Variants in CSMD3 observed in about 807,000 individuals in gnomAD.
CSMD3 encodes CUB and sushi domain-containing protein 3.
A neutral mutation model predicts 435.2 loss-of-function variants in CSMD3; 177 were observed. That is an observed-to-expected ratio of 0.41 (90% CI 0.36 to 0.46). The LOEUF (loss-of-function observed/expected upper bound fraction) is 0.46, where lower values mean the gene tolerates loss of function less well. Ranked by LOEUF, CSMD3 falls within the 20% of genes least tolerant of loss-of-function variation. The probability of loss-of-function intolerance (pLI) is 0.34; values close to 1 mark genes in which losing one functional copy is unlikely to be tolerated. For missense variants in CSMD3, 4,265 were observed against 4,504.6 expected, an observed-to-expected ratio of 0.95 and a Z score of 1.52; for synonymous variants, 1,656 against 1,520.5, an observed-to-expected ratio of 1.09 and a Z score of -2.07.
At chr8:112,747,240 T>A (rs1283767631) in intron 13 of CSMD3, among the ~76,000 whole-genome samples, 1 of 142,652 alleles carries the variant, frequency 7.0e-6, no homozygotes, top group Non-Finnish European at 1.5e-5. Context: ...TCATTGTTTT[T>A]TCCTGTAAAA....
At chr8:113,073,926 A>G (rs2089236415) in intron 5 of CSMD3, among the ~76,000 whole-genome samples, 1 of 151,678 alleles carries the variant, frequency 6.6e-6, no homozygotes, top group Admixed American at 6.6e-5. Flanking sequence ...AAATCCTTGA[A>G]ACAGTCTTGT....
intron 1 of CSMD3, chr8:113,376,530 C>T (rs2094384056): frequency 1.8e-6 from 1 of 563,738 alleles, no homozygotes; most frequent in Non-Finnish European, 3.1e-6. Context: ...TGTCTTCTGT[C>T]TTTTCTGTAT....
chr8:112,619,829 G>A (rs1043329135), intron 22 of CSMD3, among the ~76,000 whole-genome samples: 2 of 151,502 alleles, frequency 1.3e-5, no homozygotes, highest in South Asian at 2.1e-4. Context: ...AATCACTTTC[G>A]ATCATGTGAT....
chr8:112,712,992 C>T (rs929689507), intron 13 of CSMD3, among the ~76,000 whole-genome samples: 1 of 151,982 alleles, frequency 6.6e-6, no homozygotes, highest in East Asian at 1.9e-4. Flanking sequence ...TTGGAGGCAC[C>T]CATCAAAAAG....
intron 10 of CSMD3, among the ~76,000 whole-genome samples, chr8:112,872,738 T>C (rs1341038692): frequency 6.6e-6 from 1 of 152,042 alleles, no homozygotes; most frequent in African/African-American, 2.4e-5. Context: ...AATTACTTAT[T>C]TATTATGCTT....
intron 46 of CSMD3, among the ~76,000 whole-genome samples, chr8:112,319,462 TTTATGATTAAA>T (rs1353492289): frequency 1.3e-5 from 2 of 152,152 alleles, no homozygotes; most frequent in Non-Finnish European, 2.9e-5. Flanking sequence ...TTAAAGCAAC[TTTATGATTAAA>T]TTGAGTAGAA....
chr8:113,232,654 C>T lies in CSMD3; in HGVS notation c.514+45938G>A, dbSNP rs147612018. On this transcript the variant is annotated intron_variant, in intron 3 of 70. Transcript: ENST00000297405. ...GTATTCATTATCAAATCAAAATCAA[C>T]TTTTATAGAAGGAGTAATGTCCAGT... is the stretch of plus-strand genomic sequence containing the variant. Among the ~76,000 whole-genome samples the T allele has an allele frequency of 2.1e-4, 32 of 151,858 alleles. No homozygotes were observed. The East Asian group carries it at 6.2e-3, about 29-fold the overall frequency.
At chr8:112,866,560 A>G (rs1339666065) in intron 10 of CSMD3, among the ~76,000 whole-genome samples, 1 of 152,166 alleles carries the variant, frequency 6.6e-6, no homozygotes, top group East Asian at 1.9e-4. Flanking sequence ...TTTGATTCAA[A>G]TGTATTTGCG....
At chr8:112,371,721 C>G (rs1828413242) in intron 38 of CSMD3, among the ~76,000 whole-genome samples, 1 of 151,872 alleles carries the variant, frequency 6.6e-6, no homozygotes, top group South Asian at 2.1e-4. Flanking sequence ...AACCCTGTCT[C>G]TACTAAAAAT....
chr8:113,324,902 G>C (rs2093973461), intron 1 of CSMD3, among the ~76,000 whole-genome samples: 1 of 152,214 alleles, frequency 6.6e-6, no homozygotes, highest in South Asian at 2.1e-4. Context: ...TGACTCAGAT[G>C]GGAGACATGG....
At chr8:112,385,243 A>C (rs1283018185) in intron 36 of CSMD3, among the ~76,000 whole-genome samples, 1 of 152,226 alleles carries the variant, frequency 6.6e-6, no homozygotes, top group East Asian at 1.9e-4. Flanking sequence ...AAAGTTGTTC[A>C]TCTTTCTGTA....
At chr8:112,285,374 C>T (rs995603662) in intron 58 of CSMD3, among the ~76,000 whole-genome samples, 7 of 151,990 alleles carry the variant, frequency 4.6e-5, no homozygotes, top group Non-Finnish European at 1.0e-4. Flanking sequence ...CTATGTTTTC[C>T]AAGTCTTTTC....
intron 3 of CSMD3, among the ~76,000 whole-genome samples, chr8:113,189,532 T>G (rs1588237551): frequency 6.6e-6 from 1 of 151,848 alleles, no homozygotes; most frequent in African/African-American, 2.4e-5. Context: ...CAATTAAGTA[T>G]GAAAACACTC....
At chr8:112,373,009 T>G (rs1219402370) in intron 38 of CSMD3, among the ~76,000 whole-genome samples, 1 of 129,286 alleles carries the variant, frequency 7.7e-6, no homozygotes, top group Non-Finnish European at 1.6e-5. Flanking sequence ...TATAAAAATA[T>G]ATATATATAT....
chr8:113,215,920 A>G (rs190434686), intron 3 of CSMD3, among the ~76,000 whole-genome samples: 2 of 151,958 alleles, frequency 1.3e-5, no homozygotes, highest in East Asian at 3.9e-4. Context: ...TTTTTAAAAA[A>G]AATTTGGTAG....
intron 16 of CSMD3, among the ~76,000 whole-genome samples, chr8:112,675,857 C>A (rs2075759657): frequency 6.6e-6 from 1 of 152,034 alleles, no homozygotes; most frequent in African/African-American, 2.4e-5. Context: ...TAATTAAAGC[C>A]AGAGACAAAG....
chr8:113,341,860 C>A (rs957653804), intron 1 of CSMD3, among the ~76,000 whole-genome samples: 4 of 152,068 alleles, frequency 2.6e-5, no homozygotes, highest in Non-Finnish European at 5.9e-5. Context: ...CTGCTCATAT[C>A]ATTCTGCATA....
intron 9 of CSMD3, 65 bp downstream of exon 9, chr8:112,947,725 T>C: frequency 2.6e-6 from 2 of 759,476 alleles, no homozygotes; most frequent in Admixed American, 1.8e-5. Flanking sequence ...TTAGCTACTT[T>C]AAAGATTTAA....
At chr8:112,549,797 G>T (rs1225824873) in intron 27 of CSMD3, among the ~76,000 whole-genome samples, 1 of 151,842 alleles carries the variant, frequency 6.6e-6, no homozygotes, top group Non-Finnish European at 1.5e-5. Context: ...CCCAGTATCG[G>T]GTCACTAGGT....
Sources: gnomAD v4.1 joint callset for allele counts (sites outside exome capture counted in the v4.1 genomes callset) on GRCh38, gnomAD v4.1.1 for gene constraint, MANE v1.5 for transcripts, NCBI Gene and HGNC (gene_info 2026-07-23, HGNC 2026-07-21) for gene names.